OR13A1: variants seen among roughly 807,000 people sequenced by gnomAD.
The protein encoded by OR13A1 is olfactory receptor 13A1.
OR13A1 carries 10 observed loss-of-function variants against 7.5 expected under a neutral mutation model. That is an observed-to-expected ratio of 1.34 (90% CI 0.83 to 2.27). The LOEUF is 2.27. OR13A1 is among the 30% of genes most tolerant of loss of function. The pLI is 0.00. For missense variants in OR13A1, 509 were observed against 419.1 expected (o/e 1.21, Z -1.87); for synonymous variants, 238 against 177.9 (o/e 1.34, Z -2.69).
In OR13A1 at chr10:45,303,303, C is replaced by T; in HGVS notation, c.*133G>A. 1.0e-6 allele frequency: 1 copy of T among 967,158 alleles called. No individual in the cohort carries two copies. Among genetic ancestry groups the T allele is most frequent in the Non-Finnish European group, 1.5e-6 (1 of 646,074 alleles). 59.9% of individuals were successfully genotyped at this position (967,158 alleles called of 1,614,324 possible). ...ATCACCAAGTCTCAGGGAACCAGCA[C>T]TCCCAGCTCATCCATGCACAGGTTC... On this transcript the variant is annotated 3_prime_UTR_variant, in exon 4 of 4. Coordinates refer to ENST00000553795, the MANE Select transcript of OR13A1 (RefSeq NM_001004297.3).
chr10:45,312,986 A>G (rs1322847384), intron 1 of OR13A1, among the ~76,000 whole-genome samples: 1 of 152,118 alleles, frequency 6.6e-6, no homozygotes, highest in Admixed American at 6.6e-5. Flanking sequence ...CAGTAAAGAT[A>G]AATATATGGA....
At chr10:45,315,018 A>G (rs763419839) in intron 1 of OR13A1, among the ~76,000 whole-genome samples, 24 of 152,246 alleles carry the variant, frequency 1.6e-4, no homozygotes, top group Non-Finnish European at 3.5e-4. Context: ...AAATGAATAT[A>G]AAAAACACTT....
chr10:45,306,142 C>T (rs566266987), intron 3 of OR13A1, among the ~76,000 whole-genome samples: 1 of 152,286 alleles, frequency 6.6e-6, no homozygotes, highest in East Asian at 1.9e-4. Flanking sequence ...TTTTCCCTTT[C>T]AACTCTTTAT....
chr10:45,305,448 T>G (rs1042385062), intron 3 of OR13A1, among the ~76,000 whole-genome samples: 5 of 152,222 alleles, frequency 3.3e-5, no homozygotes, highest in African/African-American at 1.2e-4. Context: ...GACCAGAGCT[T>G]GAACAGTGAT....
At chr10:45,310,571 C>T (rs991432356) in intron 1 of OR13A1, among the ~76,000 whole-genome samples, 1 of 151,990 alleles carries the variant, frequency 6.6e-6, no homozygotes, top group Admixed American at 6.6e-5. Context: ...GCCAGGGAAG[C>T]TGGGAAATGT....
At chr10:45,305,790 G>T (rs1215014830) in intron 3 of OR13A1, among the ~76,000 whole-genome samples, 1 of 152,218 alleles carries the variant, frequency 6.6e-6, no homozygotes, top group East Asian at 1.9e-4. Flanking sequence ...GACATAATCA[G>T]CCCCCTCTTT....
rs560323766 is a variant in OR13A1, at chr10:45,309,087, G to T, written c.-224-1279C>A. On this transcript the variant is annotated intron_variant, in intron 1 of 3. Coordinates refer to ENST00000553795, the MANE Select transcript of OR13A1 (RefSeq NM_001004297.3). ...TTCAGATTTCTAATCCAAATGTGTA[G>T]AAAAGGGTGTGGGCCCAAGTGGGGG... is the stretch of plus-strand genomic sequence containing the variant. 3.9e-5 allele frequency among the ~76,000 whole-genome samples: 6 copies of T among 152,268 alleles called. No homozygotes were observed. In the South Asian group the frequency reaches 1.2e-3, roughly 32 times the overall value.
intron 1 of OR13A1, 107 bp downstream of exon 1, chr10:45,315,417 T>C (rs1039362091): frequency 5.3e-5 from 8 of 152,074 alleles, no homozygotes; most frequent in African/African-American, 1.9e-4. Context: ...AGAAAAAATG[T>C]TTAACAAAAT....
chr10:45,309,474 GTC>G (rs1026279114), intron 1 of OR13A1, among the ~76,000 whole-genome samples: 16 of 152,026 alleles, frequency 1.1e-4, no homozygotes, highest in African/African-American at 3.9e-4. Flanking sequence ...TGTCTGCTGA[GTC>G]TCTGTCCCAT....
At chr10:45,311,066 T>A (rs898873521) in intron 1 of OR13A1, among the ~76,000 whole-genome samples, 1 of 152,174 alleles carries the variant, frequency 6.6e-6, no homozygotes, top group African/African-American at 2.4e-5. Context: ...GCTTGGAAAC[T>A]TGGAAAAACT....
At chr10:45,309,607 C>T (rs1166331115) in intron 1 of OR13A1, among the ~76,000 whole-genome samples, 4 of 152,074 alleles carry the variant, frequency 2.6e-5, no homozygotes, top group Admixed American at 6.6e-5. Context: ...CTTAACCTCT[C>T]CAGGACTCAT....
chr10:45,306,174 G>A (rs767783992), intron 3 of OR13A1, among the ~76,000 whole-genome samples: 1 of 152,176 alleles, frequency 6.6e-6, no homozygotes, highest in Admixed American at 6.5e-5. Flanking sequence ...TAAGGAAGAG[G>A]CTGGGCGTGG....
rs536034728 is a variant in OR13A1, at chr10:45,304,034, A to T, written c.389T>A (p.Leu130Gln). Reference sequence around the variant, plus strand: ...ATAGGCCATGACCGTGAGGAGCAGCAGCTCTGAGGATGCAGCCCACGTGAG... The same window carrying T: ...ATAGGCCATGACCGTGAGGAGCAGCTGCTCTGAGGATGCAGCCCACGTGAG... ...YFLTWAASSE[L>Q]LLLTVMAYDR... The change falls in exon 4 of 4, where the codon CTG becomes CAG. Residue 130 changes from leucine to glutamine, a missense_variant. Physicochemically the swap from Leu to Gln is moderately radical, Grantham distance 113. Coordinates refer to ENST00000553795, the MANE Select transcript of OR13A1 (RefSeq NM_001004297.3). 1.2e-6 allele frequency: 2 copies of T among 1,613,326 alleles called. No homozygotes were observed. Among genetic ancestry groups the T allele is most frequent in the East Asian group, 4.5e-5 (2 of 44,858 alleles).
At chr10:45,306,029 C>A (rs1230890467) in intron 3 of OR13A1, among the ~76,000 whole-genome samples, 1 of 152,158 alleles carries the variant, frequency 6.6e-6, no homozygotes, top group African/African-American at 2.4e-5. Flanking sequence ...TTAAATAATG[C>A]TAAAGAATAG....
chr10:45,311,158 G>A (rs866713869), intron 1 of OR13A1, among the ~76,000 whole-genome samples: 4 of 152,218 alleles, frequency 2.6e-5, no homozygotes, highest in African/African-American at 4.8e-5. Flanking sequence ...CCTAACCTCA[G>A]CAAGGACCAG....
rs1252261410 is a variant in OR13A1, at chr10:45,303,214, T to C, written c.*222A>G. On this transcript the variant is annotated 3_prime_UTR_variant, in exon 4 of 4. Transcript: ENST00000553795. ...TGCCAACTCAGCACTGACACCACCT[T>C]GGAGTCAGACCAAGAGATCTGGTGT... 4 of 538,148 alleles carry C rather than the reference T, an allele frequency of 7.4e-6. No individual in the cohort carries two copies. The highest frequency in any genetic ancestry group is 9.8e-6 in the Non-Finnish European group (3 of 306,290). The allele number at this position is 538,148 out of a possible 1,614,324, so 33.3% of individuals were successfully genotyped here.
At chr10:45,305,563 T>A (rs1478323385) in intron 3 of OR13A1, among the ~76,000 whole-genome samples, 2 of 152,204 alleles carry the variant, frequency 1.3e-5, no homozygotes, top group Non-Finnish European at 2.9e-5. Flanking sequence ...TTACAACAGT[T>A]CTTCCATGGC....
intron 3 of OR13A1, among the ~76,000 whole-genome samples, chr10:45,305,094 C>T (rs9664826): frequency 0.19 from 28,315 of 151,706 alleles, 4,025 homozygotes; most frequent in African/African-American, 0.4. Context: ...TAACCTGACA[C>T]GGTGGTGGTG....
At position 45,303,659 on chromosome 10, in the gene OR13A1, G is replaced by A; in HGVS notation, c.764C>T (p.Ala255Val). 1 of 1,614,172 alleles carries A rather than the reference G, an allele frequency of 6.2e-7. No homozygotes were observed. The highest frequency in any genetic ancestry group is 1.6e-4 in the Middle Eastern group (1 of 6,062). The change falls in exon 4 of 4, where the codon GCC becomes GTC. Residue 255 changes from alanine (A) to valine (V), a missense_variant. Ala to Val is a moderately conservative substitution (Grantham distance 64). Coordinates refer to ENST00000553795, the MANE Select transcript of OR13A1 (RefSeq NM_001004297.3). The stretch of plus-strand genomic sequence containing the variant: ...GAGGTGGGAAGAGCAGGTGGAGAAG[G>A]CTTTCTGCCTCCCCCAGGCAGTCTT... Reference protein sequence around the residue: ...KVKTAWGRQKAFSTCSSHLTV... With the variant: ...KVKTAWGRQKVFSTCSSHLTV...
Sources: allele counts gnomAD v4.1 joint callset (sites outside exome capture counted in the v4.1 genomes callset), GRCh38; gene constraint gnomAD v4.1.1; transcripts MANE v1.5; gene names NCBI Gene and HGNC (gene_info 2026-07-23, HGNC 2026-07-21).